ELAVL2: variants seen among roughly 807,000 people sequenced by gnomAD.
The protein encoded by ELAVL2 is ELAV-like protein 2.
ELAVL2 carries 4 observed loss-of-function variants against 34.6 expected under a neutral mutation model. The ratio of observed to expected loss-of-function variants is 0.12; its 90% CI spans 0.06 to 0.26. ELAVL2 has a LOEUF of 0.26. Ranked by LOEUF, ELAVL2 falls within the 10% of genes least tolerant of loss-of-function variation. The pLI, the probability that ELAVL2 is intolerant of heterozygous loss-of-function variation, is 1.00. For synonymous variants in ELAVL2, 193 were observed against 154.8 expected (o/e 1.25, Z -1.83); for missense variants, 432 against 442.8 (o/e 0.98, Z 0.22).
chr9:23,720,995 A>G (rs1165241345), intron 3 of ELAVL2, among the ~76,000 whole-genome samples: 2 of 152,188 alleles, frequency 1.3e-5, no homozygotes, highest in African/African-American at 2.4e-5. Context: ...TCTCTTGTGT[A>G]AAGGCATTTG....
At chr9:23,802,624 T>C (rs893997635) in intron 1 of ELAVL2, among the ~76,000 whole-genome samples, 6 of 152,178 alleles carry the variant, frequency 3.9e-5, no homozygotes, top group East Asian at 3.9e-4. Flanking sequence ...TCTCAAAGCA[T>C]AGCCTGGGAA....
intron 3 of ELAVL2, among the ~76,000 whole-genome samples, chr9:23,722,053 A>C (rs1283585579): frequency 6.6e-6 from 1 of 152,232 alleles, no homozygotes; most frequent in Admixed American, 6.5e-5. Flanking sequence ...CAGCATGTCA[A>C]GACACTTCTG....
chr9:23,730,091 G>A (rs2046179525), intron 3 of ELAVL2, among the ~76,000 whole-genome samples: 2 of 152,092 alleles, frequency 1.3e-5, no homozygotes, highest in African/African-American at 4.8e-5. Context: ...TCTAGACTCT[G>A]TGAGAAAGAG....
At chr9:23,816,076 G>C (rs772171065) in intron 1 of ELAVL2, among the ~76,000 whole-genome samples, 10 of 152,048 alleles carry the variant, frequency 6.6e-5, no homozygotes, top group South Asian at 6.2e-4. Flanking sequence ...TTCTTCCAAA[G>C]TGCAAAATAC....
chr9:23,693,398 C>T (rs2033912398), intron 6 of ELAVL2, 50 bp downstream of exon 6: 1 of 1,609,492 alleles, frequency 6.2e-7, no homozygotes, highest in Non-Finnish European at 8.5e-7. Context: ...ATCAAAGAAA[C>T]CAATCAACTG....
intron 3 of ELAVL2, among the ~76,000 whole-genome samples, chr9:23,719,028 C>T (rs1170484526): frequency 1.3e-5 from 2 of 152,178 alleles, no homozygotes; most frequent in Non-Finnish European, 2.9e-5. Context: ...ACAACCTTCA[C>T]TGTACGCAAT....
chr9:23,760,617 T>A (rs974541223), intron 2 of ELAVL2, among the ~76,000 whole-genome samples: 21 of 152,072 alleles, frequency 1.4e-4, no homozygotes, highest in African/African-American at 4.8e-4. Context: ...CATATGCTTA[T>A]CACACTCATT....
intron 2 of ELAVL2, among the ~76,000 whole-genome samples, chr9:23,753,247 C>T (rs2052602795): frequency 6.6e-6 from 1 of 152,120 alleles, no homozygotes; most frequent in Non-Finnish European, 1.5e-5. Flanking sequence ...CGTTCAGTAG[C>T]AGCAGTGTAC....
the ELAVL2 span, among the ~76,000 whole-genome samples, chr9:23,832,695 T>C: frequency 6.6e-6 from 1 of 152,154 alleles, no homozygotes; most frequent in East Asian, 1.9e-4. Context: ...AAAGTTACCT[T>C]CAGCCGACAA....
At chr9:23,700,392 T>C (rs1373778020) in intron 5 of ELAVL2, among the ~76,000 whole-genome samples, 2 of 152,172 alleles carry the variant, frequency 1.3e-5, no homozygotes, top group Admixed American at 6.5e-5. Context: ...ACATGCAGAT[T>C]AGAGATTTTT....
rs565664066 is a variant in ELAVL2, at chr9:23,730,033, T to C, written c.333+989A>G. ...ATAGGTTCAAACTTGAGTCAATTGA[T>C]AGAAGTTGTCTGGAACACTATTTTG... On this transcript the variant is annotated intron_variant, in intron 3 of 6. Transcript: ENST00000397312. Among the ~76,000 whole-genome samples, 263 of 152,186 alleles carry C rather than the reference T, an allele frequency of 1.7e-3. 1 individual carries two copies. Among genetic ancestry groups the C allele is most frequent in the African/African-American group, 5.1e-3 (211 of 41,540 alleles).
intron 2 of ELAVL2, among the ~76,000 whole-genome samples, chr9:23,740,603 G>C (rs530863408): frequency 1.5e-4 from 22 of 151,682 alleles, no homozygotes; most frequent in Non-Finnish European, 2.2e-4. Flanking sequence ...AAATTGACTG[G>C]AACTTCAATT....
At chr9:23,699,132 G>A (rs963452715) in intron 5 of ELAVL2, among the ~76,000 whole-genome samples, 4 of 152,116 alleles carry the variant, frequency 2.6e-5, no homozygotes, top group Non-Finnish European at 5.9e-5. Flanking sequence ...TAAAAACACA[G>A]AATGGGCCAG....
chr9:23,758,151 G>A (rs1042863445), intron 2 of ELAVL2, among the ~76,000 whole-genome samples: 1 of 152,042 alleles, frequency 6.6e-6, no homozygotes, highest in Non-Finnish European at 1.5e-5. Context: ...AAGGACCAAA[G>A]AACTCTGGTC....
intron 3 of ELAVL2, among the ~76,000 whole-genome samples, chr9:23,719,238 T>G (rs1048996905): frequency 8.5e-5 from 13 of 152,196 alleles, no homozygotes; most frequent in Admixed American, 2.6e-4. Flanking sequence ...CCCTGGGTCT[T>G]GCTGACTGAT....
At position 23,756,611 on chromosome 9, in the gene ELAVL2, C is replaced by T. The variant is rs181648510; in HGVS notation, c.229+5395G>A. Among the ~76,000 whole-genome samples the T allele has an allele frequency of 2.0e-5, 3 of 152,188 alleles. No individual in the cohort carries two copies. The East Asian group carries it at 5.8e-4, about 29-fold the overall frequency. ...ACGTGCTTTCAGCAACATATCAGAT[C>T]AGTAAGGACACAGCCTAGTGACGTA... On this transcript the variant is annotated intron_variant, in intron 2 of 6. Transcript: ENST00000397312.
chr9:23,730,916 A>C, intron 3 of ELAVL2, 106 bp downstream of exon 3: 1 of 972,336 alleles, frequency 1.0e-6, no homozygotes, highest in Non-Finnish European at 1.5e-6. Context: ...TCTCCCAGGT[A>C]ACTGTTTATA....
intron 1 of ELAVL2, among the ~76,000 whole-genome samples, chr9:23,810,936 TCAA>T (rs1408948375): frequency 6.6e-6 from 1 of 152,194 alleles, no homozygotes; most frequent in Admixed American, 6.5e-5. Flanking sequence ...TAATGGTAAG[TCAA>T]CAACTAAAAA....
chr9:23,694,827 A>T (rs1002284139), intron 5 of ELAVL2, among the ~76,000 whole-genome samples: 27 of 152,186 alleles, frequency 1.8e-4, no homozygotes, highest in South Asian at 4.1e-4. Flanking sequence ...ACAGATCACA[A>T]TGACAAAAGA....
Sources: gnomAD v4.1 joint callset for allele counts (sites outside exome capture counted in the v4.1 genomes callset) on GRCh38, gnomAD v4.1.1 for gene constraint, MANE v1.5 for transcripts, NCBI Gene and HGNC (gene_info 2026-07-23, HGNC 2026-07-21) for gene names.